HSDL1: variants seen among roughly 807,000 people sequenced by gnomAD.
HSDL1 encodes the protein hydroxysteroid dehydrogenase like 1, also known as inactive hydroxysteroid dehydrogenase-like protein 1.
A neutral mutation model predicts 31.5 loss-of-function variants in HSDL1; 29 were observed. That is an observed-to-expected ratio of 0.92 (90% CI 0.69 to 1.26). The LOEUF (loss-of-function observed/expected upper bound fraction) is 1.26. Ranked by LOEUF, HSDL1 falls within the 50% of genes most tolerant of loss-of-function variation. The pLI is 0.00. For synonymous variants in HSDL1, 222 were observed against 155.2 expected (o/e 1.43, Z -3.20); for missense variants, 503 against 416.6 (o/e 1.21, Z -1.81).
intron 2 of HSDL1, among the ~76,000 whole-genome samples, chr16:84,132,374 TA>T (rs139348951): frequency 1.1e-4 from 16 of 151,324 alleles, no homozygotes; most frequent in South Asian, 2.1e-4. Context: ...TTACATCAAT[TA>T]AAAAAAAAAT....
intron 3 of HSDL1, 77 bp from the exon 4 acceptor site, chr16:84,130,508 T>A: frequency 8.4e-7 from 1 of 1,183,916 alleles, no homozygotes; most frequent in South Asian, 1.5e-5. Flanking sequence ...GTACCCCCTG[T>A]CAGGTTTAGT....
chr16:84,143,710 A>G (rs994240530), intron 1 of HSDL1, among the ~76,000 whole-genome samples: 2 of 152,094 alleles, frequency 1.3e-5, no homozygotes, highest in East Asian at 3.8e-4. Flanking sequence ...TAAAACCACA[A>G]ACTTGGCCGG....
intron 2 of HSDL1, among the ~76,000 whole-genome samples, chr16:84,133,404 T>C (rs1490570283): frequency 6.6e-6 from 1 of 152,192 alleles, no homozygotes; most frequent in Non-Finnish European, 1.5e-5. Context: ...ATTGCTGCTA[T>C]ATTAAGTTAC....
Position 84,122,329 on chromosome 16 carries a change from A to G in HSDL1, c.*2301T>C, listed in dbSNP as rs1290704888. ...TTTTATTGTTAAACTTTCAATTCAC[A>G]GATTAACTTTCAAAGGTTCATATTT... On this transcript the variant is annotated 3_prime_UTR_variant, in exon 6 of 6. Transcript: ENST00000219439. 6.6e-6 allele frequency: 1 copy of G among 152,462 alleles called. No homozygotes were observed. The highest frequency in any genetic ancestry group is 2.4e-5 in the African/African-American group (1 of 41,380). The allele number at this position is 152,462 out of a possible 1,614,324, so 9.4% of individuals were successfully genotyped here. A position where few individuals can be genotyped will look rare whatever the true frequency, so the allele number is the denominator to read the frequency against.
At chr16:84,128,194 C>T (rs769220130) in intron 5 of HSDL1, among the ~76,000 whole-genome samples, 16 of 151,518 alleles carry the variant, frequency 1.1e-4, no homozygotes, top group Non-Finnish European at 1.9e-4. Context: ...GAGGCTGAGG[C>T]AGGAGCATCA....
intron 1 of HSDL1, among the ~76,000 whole-genome samples, chr16:84,140,089 C>A (rs1160213236): frequency 2.6e-5 from 4 of 152,114 alleles, no homozygotes; most frequent in Non-Finnish European, 4.4e-5. Context: ...GGCCGTGGCA[C>A]TGCCCCCACC....
chr16:84,140,796 T>C (rs886903535), intron 1 of HSDL1, among the ~76,000 whole-genome samples: 5 of 152,126 alleles, frequency 3.3e-5, no homozygotes, highest in African/African-American at 1.2e-4. Flanking sequence ...CCCAAGCATG[T>C]ATTCTGAAAC....
chr16:84,140,842 G>A (rs375257483), intron 1 of HSDL1, among the ~76,000 whole-genome samples: 7 of 151,984 alleles, frequency 4.6e-5, no homozygotes, highest in African/African-American at 1.7e-4. Context: ...GGTGGCTCAC[G>A]CCTGTAATCC....
intron 1 of HSDL1, chr16:84,139,148 C>G (rs369828551): frequency 2.0e-5 from 3 of 152,218 alleles, no homozygotes; most frequent in African/African-American, 7.2e-5. Flanking sequence ...CATTAGCGAA[C>G]GACAGTGTGG....
At chr16:84,142,272 T>C (rs1042098565) in intron 1 of HSDL1, among the ~76,000 whole-genome samples, 1 of 152,158 alleles carries the variant, frequency 6.6e-6, no homozygotes, top group Non-Finnish European at 1.5e-5. Context: ...ATCTTTCTGC[T>C]TTAGGGTTTG....
chr16:84,137,200 T>G (rs1490372429), intron 1 of HSDL1, among the ~76,000 whole-genome samples: 1 of 151,662 alleles, frequency 6.6e-6, no homozygotes, highest in African/African-American at 2.4e-5. Context: ...TGGGGTGAAA[T>G]GGGTCTTGAA....
At chr16:84,131,539 G>C (rs906850798) in intron 2 of HSDL1, among the ~76,000 whole-genome samples, 63 of 148,452 alleles carry the variant, frequency 4.2e-4, no homozygotes, top group Admixed American at 4.1e-3. Context: ...CTATCAGACA[G>C]AGTCTCACCC....
chr16:84,137,991 A>C (rs996839912), intron 1 of HSDL1, among the ~76,000 whole-genome samples: 2 of 152,198 alleles, frequency 1.3e-5, no homozygotes, highest in African/African-American at 4.8e-5. Context: ...TCTTGTCTTG[A>C]ATCTTAACCC....
chr16:84,142,627 T>A (rs993165694), intron 1 of HSDL1, among the ~76,000 whole-genome samples: 2 of 151,804 alleles, frequency 1.3e-5, no homozygotes, highest in Admixed American at 1.3e-4. Flanking sequence ...TCTTTTTTAG[T>A]AGAGACGGGG....
chr16:84,141,860 T>C (rs1567525479), intron 1 of HSDL1, among the ~76,000 whole-genome samples: 1 of 152,360 alleles, frequency 6.6e-6, no homozygotes, highest in East Asian at 1.9e-4. Context: ...GTAAGAATTC[T>C]TTAAATATTC....
At chr16:84,128,514 C>G (rs569516971) in intron 5 of HSDL1, among the ~76,000 whole-genome samples, 2 of 152,210 alleles carry the variant, frequency 1.3e-5, no homozygotes, top group Admixed American at 6.5e-5. Flanking sequence ...AAAAATTAGT[C>G]TAAGACTATA....
chr16:84,140,870 G>A (rs1048000207), intron 1 of HSDL1, among the ~76,000 whole-genome samples: 3 of 152,070 alleles, frequency 2.0e-5, no homozygotes, highest in Non-Finnish European at 4.4e-5. Flanking sequence ...TTGGGAGGCC[G>A]AGGCGGGCGG....
chr16:84,141,449 G>A (rs1280645513), intron 1 of HSDL1, among the ~76,000 whole-genome samples: 1 of 152,240 alleles, frequency 6.6e-6, no homozygotes, highest in African/African-American at 2.4e-5. Flanking sequence ...CACTGTTTCT[G>A]CTGGTTTTGA....
At chr16:84,141,740 G>C (rs2086771226) in intron 1 of HSDL1, among the ~76,000 whole-genome samples, 1 of 152,246 alleles carries the variant, frequency 6.6e-6, no homozygotes, top group South Asian at 2.1e-4. Flanking sequence ...CATTTCCCTG[G>C]TTACTAGTAA....
Sources: allele counts gnomAD v4.1 joint callset (sites outside exome capture counted in the v4.1 genomes callset), GRCh38; gene constraint gnomAD v4.1.1; transcripts MANE v1.5; gene names NCBI Gene and HGNC (gene_info 2026-07-23, HGNC 2026-07-21).